CNTNAP2: variants seen among roughly 807,000 people sequenced by gnomAD.
CNTNAP2 encodes contactin-associated protein-like 2.
CNTNAP2 carries 98 observed loss-of-function variants against 155.2 expected under a neutral mutation model. The observed-to-expected ratio is 0.63, with a 90% CI of 0.54 to 0.75. CNTNAP2 has a LOEUF of 0.75. CNTNAP2 is among the 30% of genes least tolerant of loss of function. The pLI is 0.00. For synonymous variants in CNTNAP2, 651 were observed against 631.2 expected (o/e 1.03, Z -0.47); for missense variants, 1,727 against 1,688.1 (o/e 1.02, Z -0.40).
At chr7:146,967,199 T>C (rs1380010500) in intron 3 of CNTNAP2, among the ~76,000 whole-genome samples, 1 of 152,190 alleles carries the variant, frequency 6.6e-6, no homozygotes, top group East Asian at 1.9e-4. Flanking sequence ...AGGTGGAAAA[T>C]ATGATTTCAT....
intron 1 of CNTNAP2, among the ~76,000 whole-genome samples, chr7:146,236,927 G>A (rs1799483746): frequency 1.3e-5 from 2 of 152,092 alleles, no homozygotes; most frequent in African/African-American, 4.8e-5. Flanking sequence ...CATGTTTCAG[G>A]GTTGAACAAT....
At chr7:146,913,105 T>G (rs890431263) in intron 3 of CNTNAP2, among the ~76,000 whole-genome samples, 2 of 152,136 alleles carry the variant, frequency 1.3e-5, no homozygotes, top group East Asian at 3.9e-4. Flanking sequence ...TCAGCAAAGT[T>G]TCATAGAGAA....
intron 1 of CNTNAP2, among the ~76,000 whole-genome samples, chr7:146,290,308 T>C (rs1258623340): frequency 1.3e-5 from 2 of 152,316 alleles, no homozygotes; most frequent in South Asian, 2.1e-4. Flanking sequence ...TACTTGAGCA[T>C]GAATCCCGTC....
chr7:146,952,361 A>T (rs574007655), intron 3 of CNTNAP2, among the ~76,000 whole-genome samples: 1 of 152,312 alleles, frequency 6.6e-6, no homozygotes, highest in South Asian at 2.1e-4. Context: ...CCATTTGAAA[A>T]CTGGCACAAG....
intron 12 of CNTNAP2, among the ~76,000 whole-genome samples, chr7:147,598,171 T>C (rs1341702196): frequency 1.3e-5 from 2 of 150,806 alleles, no homozygotes; most frequent in Non-Finnish European, 2.9e-5. Flanking sequence ...TTCTTTCTTT[T>C]TTTTTTTTTC....
intron 13 of CNTNAP2, among the ~76,000 whole-genome samples, chr7:147,661,622 G>A (rs996343317): frequency 2.0e-5 from 3 of 150,868 alleles, no homozygotes; most frequent in Non-Finnish European, 2.9e-5. Flanking sequence ...GCATGACCTC[G>A]GCTCACTACG....
chr7:148,047,907 C>T (rs1370650717), intron 15 of CNTNAP2, among the ~76,000 whole-genome samples: 3 of 152,108 alleles, frequency 2.0e-5, no homozygotes, highest in Non-Finnish European at 4.4e-5. Flanking sequence ...TGAGCACCTG[C>T]TATGAGCTGG....
chr7:147,835,100 G>T (rs1798613946), intron 13 of CNTNAP2, among the ~76,000 whole-genome samples: 1 of 152,128 alleles, frequency 6.6e-6, no homozygotes, highest in Non-Finnish European at 1.5e-5. Flanking sequence ...CATCTCCAAT[G>T]AAACATTCCC....
intron 3 of CNTNAP2, among the ~76,000 whole-genome samples, chr7:146,894,239 G>A (rs1795833961): frequency 6.6e-6 from 1 of 152,174 alleles, no homozygotes; most frequent in Non-Finnish European, 1.5e-5. Flanking sequence ...CAATGACATA[G>A]TAATGCCTTA....
At chr7:146,641,423 A>C (rs964715295) in intron 1 of CNTNAP2, among the ~76,000 whole-genome samples, 1 of 152,250 alleles carries the variant, frequency 6.6e-6, no homozygotes, top group African/African-American at 2.4e-5. Flanking sequence ...ATAATTTATA[A>C]GAGAAGAACA....
intron 15 of CNTNAP2, among the ~76,000 whole-genome samples, chr7:148,082,898 C>G (rs1200968947): frequency 6.6e-6 from 1 of 151,610 alleles, no homozygotes; most frequent in South Asian, 2.1e-4. Context: ...AGGCTGGTGT[C>G]GATCTCTTGA....
chr7:147,873,696 C>A (rs576912261), intron 13 of CNTNAP2, among the ~76,000 whole-genome samples: 1 of 152,274 alleles, frequency 6.6e-6, no homozygotes, highest in Admixed American at 6.5e-5. Flanking sequence ...CATTTCAAAG[C>A]CAACCATGCC....
intron 11 of CNTNAP2, among the ~76,000 whole-genome samples, chr7:147,498,773 A>C (rs1919190): frequency 0.3 from 46,006 of 152,106 alleles, 7,105 homozygotes; most frequent in East Asian, 0.43. Flanking sequence ...ATTTCAGTTC[A>C]CATTCAAAGT....
chr7:148,130,202 C>T (rs1304891261), intron 16 of CNTNAP2, among the ~76,000 whole-genome samples: 1 of 152,252 alleles, frequency 6.6e-6, no homozygotes, highest in Non-Finnish European at 1.5e-5. Flanking sequence ...GTTTTACTAA[C>T]CTCCCCATAG....
intron 1 of CNTNAP2, among the ~76,000 whole-genome samples, chr7:146,621,565 A>G (rs932712865): frequency 6.6e-6 from 1 of 152,186 alleles, no homozygotes; most frequent in Non-Finnish European, 1.5e-5. Context: ...ATGTTCATCA[A>G]CTGGGATTGA....
chr7:147,102,494 A>C (rs1177735793), intron 4 of CNTNAP2, among the ~76,000 whole-genome samples: 1 of 152,126 alleles, frequency 6.6e-6, no homozygotes, highest in Non-Finnish European at 1.5e-5. Flanking sequence ...GAGTCCTTTG[A>C]TATTGTTGTC....
At chr7:148,303,799 C>A (rs924867024) in intron 21 of CNTNAP2, among the ~76,000 whole-genome samples, 25 of 152,128 alleles carry the variant, frequency 1.6e-4, no homozygotes, top group Non-Finnish European at 1.5e-5. Context: ...AAATTGGAAA[C>A]GTGTTTAATG....
chr7:147,903,506 G>C (rs1799909054), intron 13 of CNTNAP2, 59 bp from the exon 14 acceptor site: 1 of 1,563,242 alleles, frequency 6.4e-7, no homozygotes, highest in South Asian at 1.1e-5. Flanking sequence ...GTGTAAGTGT[G>C]GCAGTCTAAT....
At chr7:146,236,701 T>C (rs1799479223) in intron 1 of CNTNAP2, among the ~76,000 whole-genome samples, 1 of 152,194 alleles carries the variant, frequency 6.6e-6, no homozygotes, top group Non-Finnish European at 1.5e-5. Context: ...CATTTTCTTC[T>C]CCAGGGAACT....
Sources: allele counts gnomAD v4.1 joint callset (sites outside exome capture counted in the v4.1 genomes callset), GRCh38; gene constraint gnomAD v4.1.1; transcripts MANE v1.5; gene names NCBI Gene and HGNC (gene_info 2026-07-23, HGNC 2026-07-21).